Variants in CSMD1 observed in about 807,000 individuals in gnomAD.
CSMD1 encodes the protein CUB and sushi domain-containing protein 1.
In CSMD1, 213 loss-of-function variants were observed where a neutral mutation model predicts 417.5. The ratio of observed to expected loss-of-function variants is 0.51; its 90% CI spans 0.46 to 0.57. CSMD1 has a LOEUF of 0.57. Ranked by LOEUF, CSMD1 falls within the 20% of genes least tolerant of loss-of-function variation. The pLI is 0.00. For synonymous variants in CSMD1, 2,862 were observed against 1,736.8 expected, an observed-to-expected ratio of 1.65 and a Z score of -16.11; for missense variants, 6,923 against 4,529.7, an observed-to-expected ratio of 1.53 and a Z score of -15.17.
At chr8:4,716,528 A>T (rs867460069) in intron 1 of CSMD1, among the ~76,000 whole-genome samples, 10 of 152,326 alleles carry the variant, frequency 6.6e-5, no homozygotes, top group Middle Eastern at 3.4e-3. Context: ...GTTTACACTT[A>T]CCTACTTTTA....
At chr8:3,568,221 TTGAG>T (rs920064163) in intron 10 of CSMD1, among the ~76,000 whole-genome samples, 8 of 152,334 alleles carry the variant, frequency 5.3e-5, no homozygotes, top group Middle Eastern at 3.4e-3. Context: ...TTGTGGATGT[TTGAG>T]TATTTATTTC....
intron 1 of CSMD1, among the ~76,000 whole-genome samples, chr8:4,965,778 A>G (rs1268359812): frequency 4.6e-5 from 7 of 152,214 alleles, no homozygotes; most frequent in African/African-American, 1.7e-4. Flanking sequence ...AACTGCCCAG[A>G]ATTCAATCTA....
At chr8:3,151,593 T>C (rs968071855) in intron 39 of CSMD1, 80 bp from the exon 40 acceptor site, 8 of 853,988 alleles carry the variant, frequency 9.4e-6, no homozygotes, top group Admixed American at 2.2e-5. Context: ...TTCACTCAAC[T>C]ATGCTGAGAA....
intron 48 of CSMD1, among the ~76,000 whole-genome samples, chr8:3,089,256 G>A (rs1387937285): frequency 6.6e-6 from 1 of 152,210 alleles, no homozygotes; most frequent in East Asian, 1.9e-4. Flanking sequence ...GGTGAGAGAA[G>A]ACTGGGACAG....
intron 10 of CSMD1, among the ~76,000 whole-genome samples, chr8:3,569,355 T>A (rs1799850097): frequency 6.6e-6 from 1 of 152,108 alleles, no homozygotes; most frequent in South Asian, 2.1e-4. Context: ...CATAAATACT[T>A]GCAATAAACT....
At chr8:3,372,092 C>G (rs951027445) in intron 18 of CSMD1, among the ~76,000 whole-genome samples, 2 of 152,030 alleles carry the variant, frequency 1.3e-5, no homozygotes, top group African/African-American at 4.8e-5. Flanking sequence ...TGGCAGATGA[C>G]ACATGACTGT....
At chr8:3,721,676 G>T (rs542655428) in intron 6 of CSMD1, among the ~76,000 whole-genome samples, 2 of 152,232 alleles carry the variant, frequency 1.3e-5, no homozygotes, top group South Asian at 4.1e-4. Flanking sequence ...GGTTTTGGAA[G>T]AGCTTCTTTA....
chr8:4,060,491 C>G (rs1041735674), intron 3 of CSMD1, among the ~76,000 whole-genome samples: 1 of 152,120 alleles, frequency 6.6e-6, no homozygotes, highest in Non-Finnish European at 1.5e-5. Context: ...AAGGAAGGAG[C>G]TGAGGTTTTA....
At chr8:4,912,750 G>C (rs1274902580) in intron 1 of CSMD1, among the ~76,000 whole-genome samples, 1 of 151,912 alleles carries the variant, frequency 6.6e-6, no homozygotes, top group African/African-American at 2.4e-5. Context: ...TGAAATTTTG[G>C]AGGCCAAATG....
At chr8:3,260,006 A>G (rs1444588426) in intron 26 of CSMD1, among the ~76,000 whole-genome samples, 1 of 152,148 alleles carries the variant, frequency 6.6e-6, no homozygotes, top group Non-Finnish European at 1.5e-5. Flanking sequence ...AGCCTAAAAT[A>G]GCTACTCTCT....
intron 15 of CSMD1, among the ~76,000 whole-genome samples, chr8:3,401,320 A>G (rs1258486797): frequency 6.6e-6 from 1 of 152,108 alleles, no homozygotes; most frequent in Non-Finnish European, 1.5e-5. Context: ...TTACTTTAGT[A>G]ATTTTATTTT....
In CSMD1 at chr8:3,308,428, G is replaced by C. The variant is rs769271764; in HGVS notation, c.3707C>G (p.Thr1236Ser). ...GCAACTGTACAGAACTACAGTGTCG[G>C]TAAAGTGGCCTTCATCACGGATCCT... ...GYRIRDEGHF[T>S]DTVVLYSCNP... The change falls in exon 24 of 70, where the codon ACC becomes AGC. Residue 1236 changes from threonine (T) to serine (S), a missense_variant. Transcript: ENST00000635120. The C allele has an allele frequency of 4.3e-6, 7 of 1,613,636 alleles. No individual in the cohort carries two copies. The Admixed American group carries it at 1.2e-4, about 27-fold the overall frequency.
intron 10 of CSMD1, among the ~76,000 whole-genome samples, chr8:3,527,830 G>A (rs925207430): frequency 4.6e-5 from 7 of 152,296 alleles, no homozygotes; most frequent in Admixed American, 6.5e-5. Context: ...AATAACAGTA[G>A]ATGTGCATCT....
At chr8:4,000,147 T>C (rs1315163232) in intron 4 of CSMD1, among the ~76,000 whole-genome samples, 1 of 151,996 alleles carries the variant, frequency 6.6e-6, no homozygotes, top group Non-Finnish European at 1.5e-5. Context: ...CACACTTCCC[T>C]GGTCAACTGA....
At chr8:3,397,955 G>A (rs1291979256) in intron 16 of CSMD1, among the ~76,000 whole-genome samples, 1 of 152,136 alleles carries the variant, frequency 6.6e-6, no homozygotes, top group Non-Finnish European at 1.5e-5. Context: ...CATCTTTTAA[G>A]AGCTGTGTAC....
At chr8:3,829,018 C>CTTTT (rs151164809) in intron 5 of CSMD1, among the ~76,000 whole-genome samples, 1 of 150,568 alleles carries the variant, frequency 6.6e-6, no homozygotes, top group South Asian at 2.1e-4. Flanking sequence ...AATCACCTTT[C>CTTTT]TTTTTTTTTA....
intron 5 of CSMD1, among the ~76,000 whole-genome samples, chr8:3,894,063 C>T (rs1807179358): frequency 6.6e-6 from 1 of 152,134 alleles, no homozygotes; most frequent in Non-Finnish European, 1.5e-5. Context: ...GCCACATCCT[C>T]ACAAGCAGCA....
At chr8:4,960,801 T>C (rs1369760784) in intron 1 of CSMD1, among the ~76,000 whole-genome samples, 3 of 152,186 alleles carry the variant, frequency 2.0e-5, no homozygotes, top group Non-Finnish European at 2.9e-5. Flanking sequence ...TCATCTGTTA[T>C]AAAATGGTAA....
chr8:4,791,685 G>A (rs1797698134), intron 1 of CSMD1, among the ~76,000 whole-genome samples: 1 of 152,118 alleles, frequency 6.6e-6, no homozygotes, highest in African/African-American at 2.4e-5. Context: ...GGAGAGAGAG[G>A]CCAGGATCTG....
Sources: allele counts gnomAD v4.1 joint callset (sites outside exome capture counted in the v4.1 genomes callset), GRCh38; gene constraint gnomAD v4.1.1; transcripts MANE v1.5; gene names NCBI Gene and HGNC (gene_info 2026-07-23, HGNC 2026-07-21).